DNAJC5B: variants seen among roughly 807,000 people sequenced by gnomAD.
DNAJC5B encodes DnaJ heat shock protein family (Hsp40) member C5 beta, also known as dnaJ homolog subfamily C member 5B.
A neutral mutation model predicts 24.7 loss-of-function variants in DNAJC5B; 23 were observed. The observed-to-expected ratio is 0.93, with a 90% CI of 0.67 to 1.32. The LOEUF is 1.32. Ranked by LOEUF, DNAJC5B falls within the 40% of genes most tolerant of loss-of-function variation. The pLI is 0.00. For synonymous variants in DNAJC5B, 101 were observed against 90.1 expected (o/e 1.12, Z -0.68); for missense variants, 238 against 240.8 (o/e 0.99, Z 0.08).
At chr8:66,030,719 C>A (rs1009391597) in intron 1 of DNAJC5B, among the ~76,000 whole-genome samples, 1 of 152,134 alleles carries the variant, frequency 6.6e-6, no homozygotes, top group Non-Finnish European at 1.5e-5. Flanking sequence ...TCACTGCAAC[C>A]TCTGCCTCCC....
At chr8:66,072,408 C>T (rs1400367359) in intron 3 of DNAJC5B, among the ~76,000 whole-genome samples, 1 of 152,086 alleles carries the variant, frequency 6.6e-6, no homozygotes, top group South Asian at 2.1e-4. Flanking sequence ...AATTAACAAA[C>T]AAAATCAAAA....
rs1586104505 is a variant in DNAJC5B at position 66,076,606 on chromosome 8, T to G, written c.120-54T>G. ...TGAACAGTGCCCTTCTAAAACGCCA[T>G]GGTTCATTCTTGTCAAATAACACAC... On this transcript the variant is annotated intron_variant, in intron 3 of 5. Coordinates refer to ENST00000276570, the MANE Select transcript of DNAJC5B (RefSeq NM_033105.6). The G allele has an allele frequency of 1.9e-6, 3 of 1,585,932 alleles. No individual in the cohort carries two copies. The East Asian group carries it at 6.7e-5, about 35-fold the overall frequency.
chr8:66,057,193 A>C (rs1250344323), intron 3 of DNAJC5B: 1 of 152,170 alleles, frequency 6.6e-6, no homozygotes, highest in Non-Finnish European at 1.5e-5. Flanking sequence ...AGTAACGACA[A>C]ATTCTCTTGA....
At position 66,076,707 on chromosome 8, in the gene DNAJC5B, C is replaced by A. The variant is rs777427243; in HGVS notation, c.167C>A (p.Ala56Asp). 9 of 1,614,116 alleles carry A rather than the reference C, an allele frequency of 5.6e-6. No homozygotes were observed. Among genetic ancestry groups the A allele is most frequent in the Non-Finnish European group, 7.6e-6 (9 of 1,180,006 alleles). Residue 56 changes from alanine to aspartate, a missense_variant, in exon 4 of 6, where the codon GCT (alanine) becomes GAT (aspartate). Transcript: ENST00000276570. ...CCAGACAAGAATCCAGATGATCCAGCTGCTACTGAGAAGTTTAAAGAAATC... is the reference window on the plus strand; with the variant it reads ...CCAGACAAGAATCCAGATGATCCAGATGCTACTGAGAAGTTTAAAGAAATC... ...HHPDKNPDDP[A>D]ATEKFKEINN...
chr8:66,032,416 G>A (rs1283114825), intron 1 of DNAJC5B, among the ~76,000 whole-genome samples: 1 of 152,252 alleles, frequency 6.6e-6, no homozygotes, highest in Non-Finnish European at 1.5e-5. Flanking sequence ...GCTGGTATTT[G>A]TTGAAAGCTA....
At chr8:66,044,274 T>C (rs1221309775) in intron 2 of DNAJC5B, among the ~76,000 whole-genome samples, 1 of 152,170 alleles carries the variant, frequency 6.6e-6, no homozygotes, top group Non-Finnish European at 1.5e-5. Flanking sequence ...GAAGGAATCA[T>C]AGAAGTAATG....
intron 2 of DNAJC5B, among the ~76,000 whole-genome samples, chr8:66,043,825 T>C (rs562591441): frequency 3.3e-5 from 5 of 151,186 alleles, no homozygotes; most frequent in Admixed American, 2.0e-4. Context: ...AAGAACCTTT[T>C]TTTTTTTTTT....
chr8:66,040,718 G>A (rs980113269), intron 1 of DNAJC5B, among the ~76,000 whole-genome samples: 4 of 152,266 alleles, frequency 2.6e-5, no homozygotes, highest in Non-Finnish European at 4.4e-5. Context: ...CCAGATTTTT[G>A]CTTTGGGATA....
chr8:66,062,978 C>G (rs1438625593), intron 3 of DNAJC5B, among the ~76,000 whole-genome samples: 3 of 152,196 alleles, frequency 2.0e-5, no homozygotes, highest in Non-Finnish European at 4.4e-5. Flanking sequence ...CCACTGCACT[C>G]CAGCCTACGT....
chr8:66,035,479 G>A (rs2128957009), intron 1 of DNAJC5B, among the ~76,000 whole-genome samples: 1 of 152,316 alleles, frequency 6.6e-6, no homozygotes, highest in African/African-American at 2.4e-5. Context: ...AAGAGATACA[G>A]AGAGATACAC....
At chr8:66,034,319 C>A (rs149782033) in intron 1 of DNAJC5B, among the ~76,000 whole-genome samples, 1 of 151,726 alleles carries the variant, frequency 6.6e-6, no homozygotes. Flanking sequence ...AGGGTTGCAG[C>A]CCCCTAGCAC....
At chr8:66,035,725 A>AGCCATGC (rs1158785014) in intron 1 of DNAJC5B, among the ~76,000 whole-genome samples, 1 of 152,172 alleles carries the variant, frequency 6.6e-6, no homozygotes, top group Admixed American at 6.5e-5. Context: ...TGTTGCTTTA[A>AGCCATGC]GCCATGCGGT....
intron 1 of DNAJC5B, among the ~76,000 whole-genome samples, chr8:66,042,613 T>TCTTCTTCTCCTTCTCCTTCTC: frequency 6.9e-6 from 1 of 145,328 alleles, no homozygotes; most frequent in East Asian, 2.0e-4. Context: ...TTCTTCTTCT[T>TCTTCTTCTCCTTCTCCTTCTC]CTTCTTCTTC....
chr8:66,083,003 C>CTTTTTTTTTTTT (rs765749597), intron 5 of DNAJC5B, among the ~76,000 whole-genome samples: 41 of 86,722 alleles, frequency 4.7e-4, no homozygotes, highest in African/African-American at 8.9e-4. Flanking sequence ...CTTTTCTTTT[C>CTTTTTTTTTTTT]TTTTTTTTTT....
At chr8:66,072,412 A>C (rs531880744) in intron 3 of DNAJC5B, among the ~76,000 whole-genome samples, 2 of 152,166 alleles carry the variant, frequency 1.3e-5, no homozygotes, top group Non-Finnish European at 2.9e-5. Context: ...AACAAACAAA[A>C]TCAAAAACTA....
upstream of DNAJC5B, among the ~76,000 whole-genome samples, chr8:66,021,083 C>T (rs1806110139): frequency 6.6e-6 from 1 of 152,202 alleles, no homozygotes; most frequent in African/African-American, 2.4e-5. Flanking sequence ...GGACCAGAGC[C>T]AGCTACTCCT....
At chr8:66,017,968 G>C (rs901868523), upstream of DNAJC5B, among the ~76,000 whole-genome samples, 1 of 152,132 alleles carries the variant, frequency 6.6e-6, no homozygotes, top group Non-Finnish European at 1.5e-5. Flanking sequence ...TTCTGAATAC[G>C]TAAAGACTCA....
At chr8:66,042,619 T>C (rs7000595) in intron 1 of DNAJC5B, among the ~76,000 whole-genome samples, 10 of 147,672 alleles carry the variant, frequency 6.8e-5, no homozygotes, top group African/African-American at 1.8e-4. Context: ...TTCTTCTTCT[T>C]CTTCTCCTTC....
chr8:66,027,753 G>A (rs538697314), intron 1 of DNAJC5B, among the ~76,000 whole-genome samples: 1 of 152,026 alleles, frequency 6.6e-6, no homozygotes, highest in Non-Finnish European at 1.5e-5. Context: ...AGGAACTGAC[G>A]CTATCTCCCT....
Sources: allele counts gnomAD v4.1 joint callset (sites outside exome capture counted in the v4.1 genomes callset), GRCh38; gene constraint gnomAD v4.1.1; transcripts MANE v1.5; gene names NCBI Gene and HGNC (gene_info 2026-07-23, HGNC 2026-07-21).